The following PAPPA variants were observed in gnomAD, a reference collection of about 807,000 sequenced individuals.
PAPPA encodes the protein pappalysin-1.
In PAPPA, 60 loss-of-function variants were observed where a neutral mutation model predicts 164.0. That is an observed-to-expected ratio of 0.37 (90% CI 0.30 to 0.45). The LOEUF (loss-of-function observed/expected upper bound fraction) is 0.45. Among genes scored for constraint, PAPPA ranks in the 20% least tolerant of loss-of-function variants. PAPPA has a pLI of 1.00. For synonymous variants in PAPPA, 875 were observed against 814.1 expected (o/e 1.07, Z -1.27); for missense variants, 1,782 against 2,087.3 (o/e 0.85, Z 2.85).
chr9:116,231,621 C>T (rs1214295667), intron 6 of PAPPA, among the ~76,000 whole-genome samples: 1 of 151,942 alleles, frequency 6.6e-6, no homozygotes, highest in Admixed American at 6.6e-5. Context: ...ACACACCTGG[C>T]ACTGAATAGT....
intron 10 of PAPPA, among the ~76,000 whole-genome samples, chr9:116,314,974 CT>C (rs1845770347): frequency 6.6e-6 from 1 of 152,212 alleles, no homozygotes. Context: ...TGGCCCTCAT[CT>C]TATGCCTTTA....
Position 116,271,420 on chromosome 9 carries a change from C to T in PAPPA, c.2953+4C>T, listed in dbSNP as rs372236936. The T allele has an allele frequency of 2.8e-5, 44 of 1,599,146 alleles. No individual in the cohort carries two copies. The African/African-American group carries it at 3.6e-4, about 13-fold the overall frequency. On this transcript the variant is annotated splice_donor_region_variant and intron_variant, in intron 9 of 21. Transcript: ENST00000328252. The surrounding 1 kb of genome is among the most constrained non-coding windows in gnomAD (Gnocchi z 4.2). Reference sequence around the variant, plus strand: ...GAAGTCTCCTTCAATTGTATTGGTACGTCTTTTTCATTTCTTGTGGCCTTC... The same window carrying T: ...GAAGTCTCCTTCAATTGTATTGGTATGTCTTTTTCATTTCTTGTGGCCTTC...
At chr9:116,207,872 A>G (rs905596260) in intron 3 of PAPPA, among the ~76,000 whole-genome samples, 3 of 152,200 alleles carry the variant, frequency 2.0e-5, no homozygotes, top group African/African-American at 7.2e-5. Context: ...GGGCTTATCC[A>G]ACATCACACG....
chr9:116,272,659 A>G (rs1415142366), intron 9 of PAPPA, among the ~76,000 whole-genome samples: 1 of 152,202 alleles, frequency 6.6e-6, no homozygotes, highest in African/African-American at 2.4e-5. Context: ...GCCCCAGGAG[A>G]AAAGACATGG....
chr9:116,155,416 C>G (rs1564168646), intron 1 of PAPPA, among the ~76,000 whole-genome samples: 1 of 152,250 alleles, frequency 6.6e-6, no homozygotes, highest in Admixed American at 6.5e-5. Flanking sequence ...CTCCAGCATC[C>G]ATTTTCCCCC....
At chr9:116,203,058 G>T (rs1844190204) in intron 2 of PAPPA, among the ~76,000 whole-genome samples, 2 of 152,270 alleles carry the variant, frequency 1.3e-5, no homozygotes, top group African/African-American at 4.8e-5. Context: ...GGCAATGCAG[G>T]TTCCCACACC....
intron 4 of PAPPA, among the ~76,000 whole-genome samples, chr9:116,214,153 G>A (rs1308102523): frequency 3.3e-5 from 5 of 152,168 alleles, no homozygotes; most frequent in African/African-American, 4.8e-5. Context: ...TACCCATGTG[G>A]TAACTGAACG....
At chr9:116,303,629 C>A (rs1489392893) in intron 10 of PAPPA, among the ~76,000 whole-genome samples, 1 of 152,196 alleles carries the variant, frequency 6.6e-6, no homozygotes, top group Admixed American at 6.5e-5. Flanking sequence ...CACCTGCCTT[C>A]CCCGAGACTC....
intron 1 of PAPPA, among the ~76,000 whole-genome samples, chr9:116,170,405 A>G (rs1843763205): frequency 6.6e-6 from 1 of 152,156 alleles, no homozygotes; most frequent in African/African-American, 2.4e-5. Context: ...TGTTTATTCA[A>G]ACTCTGCTTT....
intron 6 of PAPPA, among the ~76,000 whole-genome samples, chr9:116,234,074 G>A (rs147115906): frequency 4.4e-4 from 67 of 152,180 alleles, no homozygotes; most frequent in African/African-American, 1.4e-3. Context: ...GGCAACTTGA[G>A]GTCCTTCATC....
At position 116,382,434 on chromosome 9, in the gene PAPPA, C is replaced by T. The variant is rs368456452; in HGVS notation, c.4717C>T (p.Arg1573Ter). 2.5e-6 allele frequency: 4 copies of T among 1,613,738 alleles called. No homozygotes were observed. The highest frequency in any genetic ancestry group is 1.3e-5 in the African/African-American group (1 of 74,884). Residue 1573 changes from arginine (R) to a stop codon, truncating the protein, a stop_gained, in exon 21 of 22, where the codon CGA (arginine) becomes TGA (stop). Transcript: ENST00000328252. LOFTEE classifies it high-confidence loss of function. ...GDNYCDAINN[R>*]AFCNYDGGDC... ...CAATTATTGTGATGCCATCAACAACCGAGCCTTTTGCAACTATGACGGTGG... is the reference window on the plus strand; with the variant it reads ...CAATTATTGTGATGCCATCAACAACTGAGCCTTTTGCAACTATGACGGTGG...
At chr9:116,300,677 C>T (rs557397146) in intron 9 of PAPPA, among the ~76,000 whole-genome samples, 2 of 152,254 alleles carry the variant, frequency 1.3e-5, no homozygotes, top group East Asian at 3.9e-4. Context: ...GCCCCTGAAT[C>T]CAATGACTCT....
At position 116,308,860 on chromosome 9, in the gene PAPPA, G is replaced by A. The variant is rs148133158; in HGVS notation, c.3147+5910G>A. Among the ~76,000 whole-genome samples, 249 of 152,224 alleles carry A rather than the reference G, an allele frequency of 1.6e-3. 1 individual carries two copies. Among genetic ancestry groups the A allele is most frequent in the Middle Eastern group, 0.014 (4 of 294 alleles). On this transcript the variant is annotated intron_variant, in intron 10 of 21. Transcript: ENST00000328252. ...ATGGAAATAAGAGAGACACATAAGT[G>A]TTGTAAATTGCCAACCCTTGCATGT...
At chr9:116,371,651 C>A (rs1464049791) in intron 19 of PAPPA, among the ~76,000 whole-genome samples, 1 of 151,648 alleles carries the variant, frequency 6.6e-6, no homozygotes, top group Non-Finnish European at 1.5e-5. Context: ...CTGTGTTGCC[C>A]AGGCTGGTTT....
chr9:116,341,595 C>A (rs975355847), intron 13 of PAPPA, among the ~76,000 whole-genome samples: 11 of 152,160 alleles, frequency 7.2e-5, no homozygotes, highest in African/African-American at 2.7e-4. Context: ...TAACTGCATG[C>A]ATCATTATCT....
Position 116,367,744 on chromosome 9 carries a change from C to T in PAPPA, c.4595C>T (p.Thr1532Ile), listed in dbSNP as rs1846521008. 3 of 1,611,604 alleles carry T rather than the reference C, an allele frequency of 1.9e-6. No individual in the cohort carries two copies. The highest frequency in any genetic ancestry group is 2.2e-5 in the East Asian group (1 of 44,858). Reference sequence around the variant, plus strand: ...GACATCCCCCACTGGCTGAACCCCACACGGGTAGAGGTGAGTGACCAGGGA... The same window carrying T: ...GACATCCCCCACTGGCTGAACCCCATACGGGTAGAGGTGAGTGACCAGGGA... ...VRDIPHWLNP[T>I]RVERVVCTAG... The change falls in exon 19 of 22, where the codon ACA becomes ATA. Residue 1532 changes from threonine (T) to isoleucine (I), a missense_variant. This residue lies in a region of PAPPA where 1,324 missense variants were observed against 1,656.9 expected (regional missense o/e 0.80). Transcript: ENST00000328252.
At chr9:116,325,219 C>T (rs1168187844) in intron 10 of PAPPA, among the ~76,000 whole-genome samples, 1 of 152,122 alleles carries the variant, frequency 6.6e-6, no homozygotes, top group Non-Finnish European at 1.5e-5. Flanking sequence ...GGATTTAGGA[C>T]CTTGAAAGGA....
chr9:116,268,191 A>T (rs1845094223), intron 8 of PAPPA, among the ~76,000 whole-genome samples: 1 of 152,198 alleles, frequency 6.6e-6, no homozygotes, highest in African/African-American at 2.4e-5. Context: ...ACAGAATAGA[A>T]AGCTCCTCAC....
At chr9:116,329,505 A>G (rs1442202827) in intron 10 of PAPPA, among the ~76,000 whole-genome samples, 2 of 152,080 alleles carry the variant, frequency 1.3e-5, no homozygotes, top group Non-Finnish European at 2.9e-5. Context: ...AATAAGATTG[A>G]GGTCCTTTTT....
Sources: gnomAD v4.1 joint callset for allele counts (sites outside exome capture counted in the v4.1 genomes callset) on GRCh38, gnomAD v4.1.1 for gene constraint, gnomAD v4.1.1 regional missense constraint, Gnocchi (gnomAD v3.1) non-coding constraint, MANE v1.5 for transcripts, NCBI Gene and HGNC (gene_info 2026-07-23, HGNC 2026-07-21) for gene names.